DYM: variants seen among roughly 807,000 people sequenced by gnomAD.
The protein encoded by DYM is dyggve-Melchior-Clausen syndrome protein.
Under a neutral mutation model 93.1 loss-of-function variants are expected in DYM, and 78 were observed. The observed-to-expected ratio is 0.84, with a 90% CI of 0.70 to 1.01. The LOEUF is 1.01. Among genes scored for constraint, DYM ranks in the 50% least tolerant of loss-of-function variants. DYM has a pLI of 0.00. For synonymous variants in DYM, 321 were observed against 319.7 expected (o/e 1.00, Z -0.04); for missense variants, 789 against 845.0 (o/e 0.93, Z 0.82).
chr18:49,450,254 A>G (rs1274510713), intron 1 of DYM, among the ~76,000 whole-genome samples: 1 of 152,208 alleles, frequency 6.6e-6, no homozygotes, highest in African/African-American at 2.4e-5. Flanking sequence ...TCTGCCGTTT[A>G]ACAAAAGGGG....
chr18:49,374,575 A>G (rs1476396044), intron 5 of DYM, among the ~76,000 whole-genome samples: 1 of 152,230 alleles, frequency 6.6e-6, no homozygotes, highest in African/African-American at 2.4e-5. Context: ...CAAATGCTCA[A>G]TCTCTAAAAA....
At chr18:49,151,682 G>A (rs113063734) in intron 15 of DYM, among the ~76,000 whole-genome samples, 40 of 152,200 alleles carry the variant, frequency 2.6e-4, no homozygotes, top group African/African-American at 8.9e-4. Flanking sequence ...TCCAGATGAC[G>A]CTTGAGGGGA....
chr18:49,050,173 G>A (rs1020986059), intron 17 of DYM, among the ~76,000 whole-genome samples: 2 of 142,516 alleles, frequency 1.4e-5, no homozygotes, highest in African/African-American at 2.6e-5. Flanking sequence ...TGCAACCTCC[G>A]CCTCCCGGGT....
intron 16 of DYM, among the ~76,000 whole-genome samples, chr18:49,115,244 T>G (rs564912681): frequency 6.6e-6 from 1 of 152,216 alleles, no homozygotes; most frequent in East Asian, 1.9e-4. Context: ...GTGGTTTAAA[T>G]AAAATGTTAA....
chr18:49,340,758 G>A (rs2064053903), intron 6 of DYM, among the ~76,000 whole-genome samples: 1 of 152,144 alleles, frequency 6.6e-6, no homozygotes, highest in Non-Finnish European at 1.5e-5. Context: ...ACATAATGAG[G>A]ACATCCACTA....
At chr18:49,089,006 C>T (rs2078809736) in intron 17 of DYM, among the ~76,000 whole-genome samples, 1 of 152,120 alleles carries the variant, frequency 6.6e-6, no homozygotes, top group Admixed American at 6.5e-5. Context: ...TTATGTTTTC[C>T]AGGCTGGTCT....
intron 13 of DYM, among the ~76,000 whole-genome samples, chr18:49,250,211 C>T (rs911286637): frequency 2.0e-5 from 3 of 152,192 alleles, no homozygotes; most frequent in African/African-American, 7.2e-5. Flanking sequence ...TATTGTGTGC[C>T]TAGAGAGAGC....
intron 8 of DYM, among the ~76,000 whole-genome samples, chr18:49,292,591 GGAAAAA>G (rs1568188584): frequency 2.4e-5 from 1 of 40,852 alleles, no homozygotes. Context: ...TTTTCCTGTT[GGAAAAA>G]AAAAAAAAAA....
At chr18:49,401,624 TC>T (rs1359465013) in intron 2 of DYM, among the ~76,000 whole-genome samples, 3 of 151,654 alleles carry the variant, frequency 2.0e-5, no homozygotes, top group Non-Finnish European at 4.4e-5. Flanking sequence ...AACCTTTCTC[TC>T]TCTCTCTCTC....
At chr18:49,147,516 T>C (rs1238784708) in intron 15 of DYM, among the ~76,000 whole-genome samples, 2 of 151,972 alleles carry the variant, frequency 1.3e-5, no homozygotes, top group South Asian at 2.1e-4. Flanking sequence ...AACATCCCCA[T>C]GAAAAAGTGG....
chr18:49,091,695 T>C (rs951632449), intron 17 of DYM, among the ~76,000 whole-genome samples: 6 of 152,166 alleles, frequency 3.9e-5, no homozygotes, highest in Non-Finnish European at 7.4e-5. Flanking sequence ...CTGATGATGC[T>C]ATGAGGATCA....
Position 49,433,888 on chromosome 18 carries a change from T to C in DYM, c.-53-3441A>G, listed in dbSNP as rs565389611. On this transcript the variant is annotated intron_variant, in intron 1 of 17. Transcript: ENST00000675505. The stretch of plus-strand genomic sequence containing the variant: ...GTCTCAAATTAAATAAATAAGGAGG[T>C]AAATAGCAAAAAGCAACAGCTTATA... 5.3e-5 allele frequency among the ~76,000 whole-genome samples: 8 copies of C among 150,458 alleles called. No homozygotes were observed. The East Asian group carries it at 1.4e-3, about 26-fold the overall frequency.
chr18:49,105,520 G>A (rs1212110898), intron 16 of DYM, among the ~76,000 whole-genome samples: 2 of 152,010 alleles, frequency 1.3e-5, no homozygotes, highest in Admixed American at 6.6e-5. Context: ...TTTTAGATCT[G>A]TCCTGCTTTC....
intron 17 of DYM, 121 bp from the exon 18 acceptor site, chr18:49,044,325 A>T: frequency 9.9e-7 from 1 of 1,013,922 alleles, no homozygotes; most frequent in South Asian, 1.3e-5. Flanking sequence ...AACTGGTCAC[A>T]GGGCATGAAA....
intron 10 of DYM, among the ~76,000 whole-genome samples, chr18:49,277,084 G>C (rs1241653152): frequency 6.6e-6 from 1 of 152,158 alleles, no homozygotes; most frequent in Admixed American, 6.6e-5. Context: ...GTAAGAGAAG[G>C]AAGAGCAGGG....
chr18:49,172,024 T>G (rs76405741), intron 14 of DYM, among the ~76,000 whole-genome samples: 1,899 of 152,266 alleles, frequency 0.012, 17 homozygotes, highest in Middle Eastern at 0.02. Flanking sequence ...ACACTCAATC[T>G]CCTGCTCCAA....
At chr18:49,062,200 A>T (rs989829866) in intron 17 of DYM, among the ~76,000 whole-genome samples, 1 of 152,230 alleles carries the variant, frequency 6.6e-6, no homozygotes, top group African/African-American at 2.4e-5. Context: ...GAAAGTCCCA[A>T]TACACATTTC....
chr18:49,085,916 T>G (rs2145295875), intron 17 of DYM, among the ~76,000 whole-genome samples: 1 of 152,288 alleles, frequency 6.6e-6, no homozygotes, highest in East Asian at 1.9e-4. Flanking sequence ...CTGGTTCTAT[T>G]TTTTTAAGCA....
At chr18:49,258,597 T>C (rs1225822027) in intron 11 of DYM, 104 bp from the exon 12 acceptor site, 2 of 765,622 alleles carry the variant, frequency 2.6e-6, no homozygotes, top group Admixed American at 4.0e-5. Flanking sequence ...GCTCTGAAGG[T>C]GAGTTAAGCA....
Sources: allele counts gnomAD v4.1 joint callset (sites outside exome capture counted in the v4.1 genomes callset), GRCh38; gene constraint gnomAD v4.1.1; transcripts MANE v1.5; gene names NCBI Gene and HGNC (gene_info 2026-07-23, HGNC 2026-07-21).